Variants in GRHL3 observed in about 807,000 individuals in gnomAD.
The protein encoded by GRHL3 is grainyhead like transcription factor 3.
Under a neutral mutation model 70.3 loss-of-function variants are expected in GRHL3, and 20 were observed. The ratio of observed to expected loss-of-function variants is 0.28; its 90% CI spans 0.20 to 0.41. The LOEUF (loss-of-function observed/expected upper bound fraction) is 0.41, where lower values mean the gene tolerates loss of function less well. Ranked by LOEUF, GRHL3 falls within the 10% of genes least tolerant of loss-of-function variation. GRHL3 has a pLI of 1.00. For synonymous variants in GRHL3, 299 were observed against 299.9 expected, an observed-to-expected ratio of 1.00 and a Z score of 0.03; for missense variants, 637 against 762.3, an observed-to-expected ratio of 0.84 and a Z score of 1.94.
downstream of GRHL3, among the ~76,000 whole-genome samples, chr1:24,359,643 C>T (rs1170765669): frequency 6.6e-6 from 1 of 152,170 alleles, no homozygotes; most frequent in East Asian, 1.9e-4. The surrounding 1 kb of genome is among the most constrained non-coding windows in gnomAD (Gnocchi z 5.3). Context: ...GGGCCCAGGT[C>T]ATCTTGGCTC....
intron 8 of GRHL3, among the ~76,000 whole-genome samples, chr1:24,340,442 C>G (rs1639992120): frequency 6.6e-6 from 1 of 152,190 alleles, no homozygotes; most frequent in African/African-American, 2.4e-5. Flanking sequence ...AGTAGTTAAG[C>G]CATTAAGATT....
At chr1:24,339,812 C>T in intron 8 of GRHL3, 50 bp downstream of exon 8, 1 of 1,263,972 alleles carries the variant, frequency 7.9e-7, no homozygotes, top group Non-Finnish European at 1.1e-6. Flanking sequence ...CCTGGAAGTC[C>T]CTATTCTGGG....
At chr1:24,364,442 T>A (rs893404112) in exon 16 of GRHL3, 1 of 1,453,976 alleles carries the variant, frequency 6.9e-7, no homozygotes, top group East Asian at 2.6e-5. Flanking sequence ...TCAGAGTATG[T>A]GGCCCCTGAA....
At chr1:24,360,768 A>T in intron 15 of GRHL3, 2 of 1,288,588 alleles carry the variant, frequency 1.6e-6, no homozygotes, top group Non-Finnish European at 2.1e-6. Flanking sequence ...ACAACCTATA[A>T]ATCAATGGCA....
chr1:24,342,628 C>A lies in GRHL3; in HGVS notation c.1207-66C>A. 7.4e-7 allele frequency: 1 copy of A among 1,356,934 alleles called. No individual in the cohort carries two copies. The highest frequency in any genetic ancestry group is 1.1e-6 in the Non-Finnish European group (1 of 947,244). The allele number at this position is 1,356,934 out of a possible 1,614,324, so 84.1% of individuals were successfully genotyped here. The stretch of plus-strand genomic sequence containing the variant: ...CTTGGCCCATATTTAAGATGCAAAG[C>A]AGCAGCTGTGAAAGTAGCTAGCCCC... On this transcript the variant is annotated intron_variant, in intron 9 of 15. Coordinates refer to ENST00000361548, the MANE Select transcript of GRHL3 (RefSeq NM_198173.3). The surrounding 1 kb of genome is among the most constrained non-coding windows in gnomAD (Gnocchi z 4.8).
At chr1:24,347,429 A>G in intron 13 of GRHL3, 39 bp from the exon 14 acceptor site, 2 of 1,522,188 alleles carry the variant, frequency 1.3e-6, no homozygotes, top group Non-Finnish European at 9.1e-7. Context: ...TCCTGTTCAC[A>G]TTATCTTCCT....
chr1:24,344,697 T>A (rs1432581020), intron 11 of GRHL3, among the ~76,000 whole-genome samples, 200 bp from the exon 12 acceptor site: 1 of 152,014 alleles, frequency 6.6e-6, no homozygotes, highest in African/African-American at 2.4e-5. Flanking sequence ...CCCATCCAGC[T>A]CGGGCTGGGT....
At chr1:24,364,056 C>A in intron 15 of GRHL3, 1 of 1,329,430 alleles carries the variant, frequency 7.5e-7, no homozygotes, top group Non-Finnish European at 9.8e-7. Context: ...TCCGTTTTAC[C>A]TTCCAGAAAC....
At chr1:24,356,266 G>A (rs1231797238), downstream of GRHL3, among the ~76,000 whole-genome samples, 1 of 150,280 alleles carries the variant, frequency 6.7e-6, no homozygotes, top group Non-Finnish European at 1.5e-5. Flanking sequence ...TTTTTGAGAC[G>A]GAGTCTGGCT....
chr1:24,335,240 T>C (rs940600728), intron 3 of GRHL3, among the ~76,000 whole-genome samples: 12 of 152,186 alleles, frequency 7.9e-5, no homozygotes, highest in Admixed American at 7.9e-4. Context: ...GAGGGAGACC[T>C]GTGTTGGGGG....
chr1:24,349,422 C>G (rs1640416159), intron 14 of GRHL3, among the ~76,000 whole-genome samples: 1 of 152,222 alleles, frequency 6.6e-6, no homozygotes, highest in African/African-American at 2.4e-5. Context: ...TCTGGGCTTT[C>G]CCCTGTCCCA....
At chr1:24,349,208 C>T (rs954867630) in intron 14 of GRHL3, among the ~76,000 whole-genome samples, 1 of 152,244 alleles carries the variant, frequency 6.6e-6, no homozygotes. Flanking sequence ...CAGGCTGACA[C>T]TGGCTGTGTG....
At chr1:24,330,344 A>T (rs1639554886) in intron 1 of GRHL3, among the ~76,000 whole-genome samples, 1 of 152,216 alleles carries the variant, frequency 6.6e-6, no homozygotes, top group African/African-American at 2.4e-5. Flanking sequence ...TCATGCAGCT[A>T]AAGTTTGAGG....
In GRHL3 at chr1:24,338,032, T is replaced by C; in HGVS notation, c.881T>C (p.Val294Ala). ...GTCTTCGACAATGAGAAGGTCCCAG[T>C]AGAGCAGCTGCGCTTCTGGAAGCAC... ...MVVFDNEKVPVEQLRFWKHWH... is the reference protein window; with the variant it reads ...MVVFDNEKVPAEQLRFWKHWH... Residue 294 changes from valine to alanine, a missense_variant, in exon 7 of 16, where the codon GTA becomes GCA. Transcript: ENST00000361548. 6.2e-7 allele frequency: 1 copy of C among 1,613,142 alleles called. No individual in the cohort carries two copies.
chr1:24,345,615 G>A (rs534622527), intron 12 of GRHL3, among the ~76,000 whole-genome samples: 7 of 152,262 alleles, frequency 4.6e-5, no homozygotes, highest in Non-Finnish European at 1.0e-4. Context: ...TGGAGGCTTA[G>A]GGGATGAAAA....
At chr1:24,325,132 G>C (rs576897091) in intron 1 of GRHL3, among the ~76,000 whole-genome samples, 1 of 152,312 alleles carries the variant, frequency 6.6e-6, no homozygotes, top group Admixed American at 6.5e-5. Context: ...GCTCATGGCA[G>C]GATTTAGCAA....
At chr1:24,350,211 G>A in intron 15 of GRHL3, 89 bp downstream of exon 15, 1 of 1,120,802 alleles carries the variant, frequency 8.9e-7, no homozygotes, top group African/African-American at 1.5e-5. Flanking sequence ...GAGGGGATGT[G>A]GAGTTGGGGT....
chr1:24,364,356 T>C lies in GRHL3; in HGVS notation c.1866T>C (p.Thr622=), dbSNP rs145783642. Residue 622 remains threonine, a synonymous_variant, in exon 16 of 16, where the codon ACT becomes ACC. Transcript: ENST00000350501. ...CCACCGTCAACAGCCTGCACTTCAC[T>C]GTAAACTCGGAATGACACACCCACC... 7.1e-5 allele frequency: 109 copies of C among 1,543,440 alleles called. 1 individual carries two copies. The East Asian group carries it at 2.6e-3, about 36-fold the overall frequency.
downstream of GRHL3, among the ~76,000 whole-genome samples, chr1:24,359,973 T>C (rs371208659): frequency 8.5e-5 from 13 of 152,232 alleles, no homozygotes; most frequent in East Asian, 2.1e-3. The surrounding 1 kb of genome is among the most constrained non-coding windows in gnomAD (Gnocchi z 5.3). Flanking sequence ...TCAAAAGAGC[T>C]GCTCCGTTGG....
Sources: allele counts gnomAD v4.1 joint callset (sites outside exome capture counted in the v4.1 genomes callset), GRCh38; gene constraint gnomAD v4.1.1; non-coding constraint Gnocchi (gnomAD v3.1); transcripts MANE v1.5; gene names NCBI Gene and HGNC (gene_info 2026-07-23, HGNC 2026-07-21).